The following SMG1 variants were observed in gnomAD, a reference collection of about 807,000 sequenced individuals.
The protein encoded by SMG1 is SMG1 nonsense mediated mRNA decay associated PI3K related kinase.
Under a neutral mutation model 419.9 loss-of-function variants are expected in SMG1, and 22 were observed. The observed-to-expected ratio is 0.05, with a 90% CI of 0.04 to 0.07. SMG1 has a LOEUF of 0.07. SMG1 is among the 10% of genes least tolerant of loss of function. The probability of loss-of-function intolerance (pLI) is 1.00; values close to 1 mark genes in which losing one functional copy is unlikely to be tolerated. For missense variants in SMG1, 3,185 were observed against 4,342.0 expected (o/e 0.73, Z 7.49); for synonymous variants, 1,538 against 1,553.5 (o/e 0.99, Z 0.23).
chr16:18,856,038 C>A (rs1294975112), intron 29 of SMG1, among the ~76,000 whole-genome samples: 1 of 151,982 alleles, frequency 6.6e-6, no homozygotes, highest in South Asian at 2.1e-4. Flanking sequence ...GGCCTGCACA[C>A]GTTTTTTCTA....
chr16:18,827,895 GA>G, intron 55 of SMG1, 135 bp downstream of exon 55: 1 of 585,284 alleles, frequency 1.7e-6, no homozygotes, highest in Non-Finnish European at 2.5e-6. Flanking sequence ...AAGCAAAAGT[GA>G]AAAAAATTAT....
Position 18,846,068 on chromosome 16 carries a change from C to G in SMG1, c.5997-417G>C, listed in dbSNP as rs534505057. Among the ~76,000 whole-genome samples, 3 of 152,190 alleles carry G rather than the reference C, an allele frequency of 2.0e-5. No individual in the cohort carries two copies. In the South Asian group the frequency reaches 6.2e-4, roughly 32 times the overall value. On this transcript the variant is annotated intron_variant, in intron 38 of 62. Coordinates refer to ENST00000446231, the MANE Select transcript of SMG1 (RefSeq NM_015092.5). ...TGACCTCGTGATCCGCCCGCCTCAGCCTCCCAAAGTGCCAGAATTACAGGT... is the reference window on the plus strand; with the variant it reads ...TGACCTCGTGATCCGCCCGCCTCAGGCTCCCAAAGTGCCAGAATTACAGGT...
chr16:18,857,609 G>A (rs1255768207), intron 29 of SMG1: 4 of 152,196 alleles, frequency 2.6e-5, no homozygotes, highest in Admixed American at 6.5e-5. Context: ...GTTAAGCTAC[G>A]TGACCCAACA....
At chr16:18,895,795 T>C (rs1234463479) in intron 3 of SMG1, among the ~76,000 whole-genome samples, 1 of 152,310 alleles carries the variant, frequency 6.6e-6, no homozygotes, top group Non-Finnish European at 1.5e-5. Flanking sequence ...CTATGCACTA[T>C]ACATTCAATA....
intron 41 of SMG1, 128 bp downstream of exon 41, chr16:18,841,437 C>T: frequency 1.4e-6 from 1 of 737,876 alleles, no homozygotes. Flanking sequence ...AAAATACTCT[C>T]CTAGGGACCT....
intron 53 of SMG1, 25 bp from the exon 54 acceptor site, chr16:18,829,780 A>T (rs956517676): frequency 6.4e-7 from 1 of 1,569,004 alleles, no homozygotes; most frequent in East Asian, 2.3e-5. Flanking sequence ...AATTTCTTGT[A>T]TTTCATGAAA....
intron 43 of SMG1, 21 bp downstream of exon 43, chr16:18,838,529 GT>G (rs2033721768): frequency 1.9e-6 from 3 of 1,613,846 alleles, no homozygotes; most frequent in Non-Finnish European, 2.5e-6. Context: ...CCTCATAAAT[GT>G]AAAGTCTACT....
At chr16:18,840,648 T>TA (rs1220040245) in intron 41 of SMG1, among the ~76,000 whole-genome samples, 1 of 152,184 alleles carries the variant, frequency 6.6e-6, no homozygotes, top group African/African-American at 2.4e-5. Flanking sequence ...AATCAAAGCA[T>TA]AAAATTCATA....
At chr16:18,851,217 G>A (rs1173765417) in intron 33 of SMG1, among the ~76,000 whole-genome samples, 1 of 152,242 alleles carries the variant, frequency 6.6e-6, no homozygotes, top group East Asian at 1.9e-4. Flanking sequence ...AGAACTGATC[G>A]ATATAGCTTA....
intron 1 of SMG1, among the ~76,000 whole-genome samples, chr16:18,915,496 A>G (rs1158563620): frequency 6.6e-6 from 1 of 152,100 alleles, no homozygotes; most frequent in Non-Finnish European, 1.5e-5. Context: ...ATTTTCATGT[A>G]TTTACTTGAG....
At chr16:18,877,966 A>G (rs1490188133) in intron 11 of SMG1, 1 of 152,222 alleles carries the variant, frequency 6.6e-6, no homozygotes, top group Non-Finnish European at 1.5e-5. Flanking sequence ...AAAGAGGCCT[A>G]GATGAAACCA....
rs539104326 is a variant in SMG1, at chr16:18,811,815, G to T, written c.10854C>A (p.Ala3618=). The T allele has an allele frequency of 1.5e-4, 248 of 1,613,934 alleles. 1 individual carries two copies. The South Asian group carries it at 1.6e-3, about 11-fold the overall frequency. Reference sequence around the variant, plus strand: ...GATCAACATCTCGGCCCTCTAACTTGGCTTTCACTCTCTTCCACACACTCA... The same window carrying T: ...GATCAACATCTCGGCCCTCTAACTTTGCTTTCACTCTCTTCCACACACTCA... The part of the protein sequence containing the change: ...YAVSVWKRVK[A]KLEGRDVDPN... The change falls in exon 62 of 63, where the codon GCC becomes GCA. Residue 3618 remains alanine (A), a synonymous_variant. Coordinates refer to ENST00000446231, the MANE Select transcript of SMG1 (RefSeq NM_015092.5).
chr16:18,925,902 G>C (rs1368014430), intron 1 of SMG1, 48 bp downstream of exon 1: 1 of 1,434,248 alleles, frequency 7.0e-7, no homozygotes, highest in Admixed American at 2.2e-5. Flanking sequence ...CGGCCCGCCC[G>C]AGGCGGAGCC....
chr16:18,857,772 C>T (rs1400308141), intron 29 of SMG1: 1 of 158,138 alleles, frequency 6.3e-6, no homozygotes, highest in Admixed American at 6.4e-5. Context: ...TATATACATA[C>T]AATAGAACTC....
intron 1 of SMG1, among the ~76,000 whole-genome samples, chr16:18,922,854 G>A (rs901535290): frequency 3.2e-4 from 48 of 152,060 alleles, no homozygotes; most frequent in African/African-American, 1.1e-3. Flanking sequence ...CTGAAGGTGG[G>A]CAGACTGTTT....
intron 29 of SMG1, among the ~76,000 whole-genome samples, chr16:18,855,685 C>A (rs1392491821): frequency 6.6e-6 from 1 of 152,076 alleles, no homozygotes. Flanking sequence ...ACCCTCATGG[C>A]CCATTTGCTT....
At chr16:18,851,096 G>A (rs748455574) in intron 33 of SMG1, among the ~76,000 whole-genome samples, 14 of 152,318 alleles carry the variant, frequency 9.2e-5, no homozygotes, top group African/African-American at 1.9e-4. Flanking sequence ...TCAAAAGTTT[G>A]AAGCTGAATG....
At chr16:18,841,311 T>C (rs2033906154) in intron 41 of SMG1, among the ~76,000 whole-genome samples, 1 of 149,638 alleles carries the variant, frequency 6.7e-6, no homozygotes, top group South Asian at 2.1e-4. Flanking sequence ...TGTAGCAGAA[T>C]TGCTTGAACC....
intron 39 of SMG1, among the ~76,000 whole-genome samples, chr16:18,843,277 A>G (rs1304545757): frequency 6.6e-6 from 1 of 152,238 alleles, no homozygotes; most frequent in Non-Finnish European, 1.5e-5. Flanking sequence ...GATCTCTAAG[A>G]GACTTAACAA....
Sources: gnomAD v4.1 joint callset for allele counts (sites outside exome capture counted in the v4.1 genomes callset) on GRCh38, gnomAD v4.1.1 for gene constraint, MANE v1.5 for transcripts, NCBI Gene and HGNC (gene_info 2026-07-23, HGNC 2026-07-21) for gene names.